The following ASAH1 variants were observed in gnomAD, a reference collection of about 807,000 sequenced individuals.
ASAH1 encodes the protein N-acylsphingosine amidohydrolase 1.
Under a neutral mutation model 59.5 loss-of-function variants are expected in ASAH1, and 70 were observed. That is an observed-to-expected ratio of 1.18 (90% confidence interval 0.97 to 1.43). ASAH1 has a LOEUF of 1.43. ASAH1 is among the 40% of genes most tolerant of loss of function. The pLI, the probability that ASAH1 is intolerant of heterozygous loss-of-function variation, is 0.00. For synonymous variants in ASAH1, 213 were observed against 166.5 expected (o/e 1.28, Z -2.15); for missense variants, 660 against 482.5 (o/e 1.37, Z -3.45).
upstream of ASAH1, chr8:18,084,419 G>T: frequency 7.3e-7 from 1 of 1,377,318 alleles, no homozygotes; most frequent in Non-Finnish European, 9.5e-7. Flanking sequence ...GTGGCGCCTC[G>T]ATGGGGCGCC....
intron 4 of ASAH1, 41 bp downstream of exon 4, chr8:18,069,751 C>G (rs1480751348): frequency 1.4e-6 from 2 of 1,411,952 alleles, no homozygotes; most frequent in Non-Finnish European, 2.0e-6. Context: ...AGCGCATTTT[C>G]TATGTGCTTA....
At chr8:18,058,472 C>G (rs975911622) in intron 13 of ASAH1, 1 of 223,334 alleles carries the variant, frequency 4.5e-6, no homozygotes, top group Non-Finnish European at 8.8e-6. Context: ...AACCCGAACC[C>G]ACCAAGACAC....
At chr8:18,062,100 T>A (rs1799729297) in intron 8 of ASAH1, 179 bp downstream of exon 8, 1 of 825,248 alleles carries the variant, frequency 1.2e-6, no homozygotes. Context: ...GAAACCTCCG[T>A]TTCCTTTCTA....
chr8:18,065,653 G>A (rs1416585098), intron 5 of ASAH1: 1 of 152,056 alleles, frequency 6.6e-6, no homozygotes, highest in East Asian at 1.9e-4. Flanking sequence ...TCTTCTCCCT[G>A]AAAATAAAAG....
At chr8:18,065,269 T>A (rs1799882229) in intron 5 of ASAH1, 1 of 151,978 alleles carries the variant, frequency 6.6e-6, no homozygotes. Context: ...CATAAGGTAT[T>A]TCTATTTGGT....
rs184194210 is a variant in ASAH1, at chr8:18,074,055, G to C, written c.125+1486C>G. Among the ~76,000 whole-genome samples the C allele has an allele frequency of 2.8e-4, 42 of 152,308 alleles. 2 individuals are homozygous for C. The East Asian group carries it at 7.9e-3, about 29-fold the overall frequency. On this transcript the variant is annotated intron_variant, in intron 2 of 13. Coordinates refer to ENST00000637790, the MANE Select transcript of ASAH1 (RefSeq NM_177924.5). The stretch of plus-strand genomic sequence containing the variant: ...GTCAGTAAAATGCCTAATCAGGAAA[G>C]GTTTATGGTTTGCAGGGCATTCAAT...
At chr8:18,075,372 G>C (rs1441508187) in intron 2 of ASAH1, 169 bp downstream of exon 2, 10 of 763,958 alleles carry the variant, frequency 1.3e-5, no homozygotes, top group Non-Finnish European at 2.4e-5. Context: ...ATTTGTCCAA[G>C]ATCTCAGCCA....
chr8:18,069,988 A>G, intron 3 of ASAH1, 110 bp from the exon 4 acceptor site: 2 of 706,082 alleles, frequency 2.8e-6, no homozygotes, highest in East Asian at 2.9e-5. Context: ...CAATTTATAT[A>G]TATATTTTTT....
At chr8:18,062,868 C>CTTT (rs10562212) in intron 7 of ASAH1, 45 of 181,666 alleles carry the variant, frequency 2.5e-4, no homozygotes, top group East Asian at 6.7e-4. Flanking sequence ...GTTCTGTGTT[C>CTTT]TTTTTTTTTT....
chr8:18,064,473 T>C lies in ASAH1; in HGVS notation c.441A>G (p.Val147=). ...YELFTICTSI[V]AEDKKGHLIH... is the part of the protein sequence containing the mutation. Reference sequence around the variant, plus strand: ...CACAATTACCTTTTTTGTCTTCTGCTACTATTGAAGTACAAATGGTAAATA... The same window carrying C: ...CACAATTACCTTTTTTGTCTTCTGCCACTATTGAAGTACAAATGGTAAATA... Residue 147 remains valine (V), a synonymous_variant, in exon 6 of 14, where the codon GTA becomes GTG. Coordinates refer to ENST00000637790, the MANE Select transcript of ASAH1 (RefSeq NM_177924.5). 6 of 1,577,778 alleles carry C rather than the reference T, an allele frequency of 3.8e-6. No individual in the cohort carries two copies. In the South Asian group the frequency reaches 5.6e-5, roughly 15 times the overall value.
chr8:18,058,913 T>C, intron 12 of ASAH1, 22 bp from the exon 13 acceptor site: 2 of 1,601,876 alleles, frequency 1.2e-6, no homozygotes, highest in South Asian at 2.2e-5. Context: ...GAAAATAGTT[T>C]TGTTCAGTAA....
At chr8:18,062,978 C>G (rs1406627794) in intron 7 of ASAH1, 1 of 518,976 alleles carries the variant, frequency 1.9e-6, no homozygotes, top group Non-Finnish European at 3.5e-6. Flanking sequence ...TCAAAAAAGT[C>G]TCTGCCTCAG....
At chr8:18,062,547 A>T in intron 7 of ASAH1, 124 bp from the exon 8 acceptor site, 4 of 1,070,992 alleles carry the variant, frequency 3.7e-6, no homozygotes, top group Non-Finnish European at 2.8e-6. Context: ...AATCCTAACA[A>T]GACCTTTACA....
intron 11 of ASAH1, 36 bp from the exon 12 acceptor site, chr8:18,059,500 A>G (rs73581678): frequency 6.2e-7 from 1 of 1,614,150 alleles, no homozygotes; most frequent in Non-Finnish European, 8.5e-7. Context: ...CTTAGGCTAC[A>G]TGCCTTAAAA....
intron 10 of ASAH1, 197 bp downstream of exon 10, chr8:18,061,180 T>TA: frequency 2.0e-6 from 1 of 492,522 alleles, no homozygotes; most frequent in East Asian, 3.7e-5. Context: ...GCTTTTTAAG[T>TA]AATTCATTTA....
upstream of ASAH1, chr8:18,084,836 C>G (rs535613279): frequency 1.7e-5 from 28 of 1,610,118 alleles, no homozygotes; most frequent in African/African-American, 3.7e-4. Context: ...TGGCGAAGGA[C>G]TCAGGTGGGC....
chr8:18,061,109 A>C (rs934917730), intron 10 of ASAH1: 4 of 340,626 alleles, frequency 1.2e-5, no homozygotes, highest in African/African-American at 8.5e-5. Flanking sequence ...TGTGTGGGTC[A>C]TTTTTTTTCT....
intron 2 of ASAH1, among the ~76,000 whole-genome samples, chr8:18,075,108 G>A (rs1275240643): frequency 6.7e-6 from 1 of 150,068 alleles, no homozygotes; most frequent in Admixed American, 6.7e-5. Flanking sequence ...CCATTCTCCT[G>A]CCTCAGCCTC....
intron 1 of ASAH1, 128 bp downstream of exon 1, chr8:18,083,853 A>G (rs956763924): frequency 9.3e-6 from 14 of 1,513,502 alleles, no homozygotes; most frequent in Non-Finnish European, 1.2e-5. Flanking sequence ...GCACGAAACC[A>G]CAGACCCCCG....
Sources: gnomAD v4.1 joint callset for allele counts (sites outside exome capture counted in the v4.1 genomes callset) on GRCh38, gnomAD v4.1.1 for gene constraint, MANE v1.5 for transcripts, NCBI Gene and HGNC (gene_info 2026-07-23, HGNC 2026-07-21) for gene names.